Variants in IQCH observed in about 807,000 individuals in gnomAD.
IQCH encodes the protein IQ motif containing H.
A neutral mutation model predicts 117.0 loss-of-function variants in IQCH; 98 were observed. The ratio of observed to expected loss-of-function variants is 0.84; its 90% confidence interval spans 0.71 to 0.99. The LOEUF is 0.99. Among genes scored for constraint, IQCH ranks in the 50% least tolerant of loss-of-function variants. The probability of loss-of-function intolerance (pLI) is 0.00; values close to 1 mark genes in which losing one functional copy is unlikely to be tolerated. For synonymous variants in IQCH, 412 were observed against 448.2 expected (o/e 0.92, Z 1.02); for missense variants, 1,102 against 1,243.8 (o/e 0.89, Z 1.72).
rs2083180919 is a variant in IQCH at position 67,475,501 on chromosome 15, G to A, written c.2677-195G>A. On this transcript the variant is annotated intron_variant, in intron 17 of 20. Transcript: ENST00000335894. This position sits in a 1 kb window ranked among gnomAD's most constrained non-coding sequence, Gnocchi z 5.7. ...TCAAAAAATAAAATAAAAATAAAAA[G>A]TAATGTAGCAATTTGTTCCCTTAGT... Among the ~76,000 whole-genome samples the A allele has an allele frequency of 6.6e-6, 1 of 152,078 alleles. No homozygotes were observed. The highest frequency in any genetic ancestry group is 2.4e-5 in the African/African-American group (1 of 41,408).
intron 4 of IQCH, among the ~76,000 whole-genome samples, chr15:67,303,843 A>G (rs1967171182): frequency 6.6e-6 from 1 of 152,194 alleles, no homozygotes; most frequent in Non-Finnish European, 1.5e-5. Flanking sequence ...TACAGATAAG[A>G]GAATCTCTGT....
intron 16 of IQCH, among the ~76,000 whole-genome samples, chr15:67,455,744 G>C (rs567090956): frequency 2.9e-4 from 44 of 152,296 alleles, no homozygotes; most frequent in African/African-American, 1.0e-3. Context: ...CAGTAAAGGA[G>C]CACTTCTCAA....
At chr15:67,260,767 T>C (rs867939022) in intron 1 of IQCH, among the ~76,000 whole-genome samples, 29 of 152,264 alleles carry the variant, frequency 1.9e-4, no homozygotes, top group Admixed American at 8.5e-4. Context: ...TTTTTCACAA[T>C]CTGAGAGACA....
At chr15:67,308,565 T>C (rs1032383617) in intron 4 of IQCH, among the ~76,000 whole-genome samples, 14 of 152,228 alleles carry the variant, frequency 9.2e-5, no homozygotes, top group African/African-American at 2.9e-4. Context: ...CTCCTATCAT[T>C]TAAAGTGAGC....
intron 10 of IQCH, among the ~76,000 whole-genome samples, chr15:67,379,860 CT>C (rs1230599228): frequency 2.0e-5 from 3 of 151,358 alleles, no homozygotes; most frequent in African/African-American, 4.9e-5. Context: ...TCAGTTCTTT[CT>C]TTTTTTTTGA....
At position 67,388,961 on chromosome 15, in the gene IQCH, G is replaced by A; in HGVS notation, c.1587G>A (p.Gln529=). The change falls in exon 12 of 21, where the codon CAG becomes CAA. Residue 529 remains glutamine, a synonymous_variant. Coordinates refer to ENST00000335894, the MANE Select transcript of IQCH (RefSeq NM_001031715.3). The surrounding 1 kb of genome is among the most constrained non-coding windows in gnomAD (Gnocchi z 5.5). ...ACCTTGAGGACAGAAGTGACCTGCA[G>A]GACAGGTTCAAAATTATCACACCTG... ...SGNLEDRSDL[Q]DRFKIITPEA... The A allele has an allele frequency of 6.2e-7, 1 of 1,613,974 alleles. No individual in the cohort carries two copies. The highest frequency in any genetic ancestry group is 1.1e-5 in the South Asian group (1 of 91,072).
intron 16 of IQCH, among the ~76,000 whole-genome samples, chr15:67,441,744 G>C (rs1376501417): frequency 6.6e-6 from 1 of 152,194 alleles, no homozygotes; most frequent in Non-Finnish European, 1.5e-5. Context: ...ACTCAAGATA[G>C]ATTAAGGACT....
chr15:67,486,009 A>T (rs1482869077), intron 18 of IQCH, among the ~76,000 whole-genome samples: 6 of 148,434 alleles, frequency 4.0e-5, no homozygotes, highest in South Asian at 2.2e-4. Flanking sequence ...TTACCTTCAA[A>T]TGAGCAATAA....
intron 20 of IQCH, among the ~76,000 whole-genome samples, chr15:67,499,963 G>T (rs1323973220): frequency 3.3e-5 from 5 of 152,298 alleles, no homozygotes; most frequent in Middle Eastern, 3.4e-3. Context: ...GGCTGAGGGA[G>T]TGGGATGAAA....
chr15:67,278,080 C>T (rs1269160241), intron 3 of IQCH, among the ~76,000 whole-genome samples: 1 of 152,112 alleles, frequency 6.6e-6, no homozygotes, highest in African/African-American at 2.4e-5. Flanking sequence ...TCAGCATTTC[C>T]TCCCCTTAAG....
intron 4 of IQCH, among the ~76,000 whole-genome samples, chr15:67,303,556 A>G (rs1192653890): frequency 6.6e-6 from 1 of 152,176 alleles, no homozygotes; most frequent in Non-Finnish European, 1.5e-5. Flanking sequence ...TGGTTCCTCA[A>G]GAGACCATTA....
At position 67,456,293 on chromosome 15, in the gene IQCH, C is replaced by T. The variant is rs1050430998; in HGVS notation, c.2506-8834C>T. Among the ~76,000 whole-genome samples the T allele has an allele frequency of 2.0e-5, 3 of 152,142 alleles. No individual in the cohort carries two copies. The highest frequency in any genetic ancestry group is 7.2e-5 in the African/African-American group (3 of 41,424). On this transcript the variant is annotated intron_variant, in intron 16 of 20. Transcript: ENST00000335894. This position sits in a 1 kb window ranked among gnomAD's most constrained non-coding sequence, Gnocchi z 5.1. The stretch of plus-strand genomic sequence containing the variant: ...ACGAATTTCCAAAGTCACAGAGAAA[C>T]TTGGCACTCTGAAGAAATTGATCTA...
chr15:67,394,416 T>G (rs1407937530), intron 12 of IQCH, among the ~76,000 whole-genome samples: 2 of 152,174 alleles, frequency 1.3e-5, no homozygotes, highest in African/African-American at 4.8e-5. Context: ...ATTTGCCTTT[T>G]CAGCATTCCC....
intron 18 of IQCH, among the ~76,000 whole-genome samples, chr15:67,483,517 TA>T (rs1417430103): frequency 5.9e-5 from 9 of 151,626 alleles, no homozygotes; most frequent in Non-Finnish European, 1.3e-4. Flanking sequence ...ACTCCATCTC[TA>T]AAAAAATTAA....
chr15:67,339,915 G>T (rs1228718354), intron 5 of IQCH, among the ~76,000 whole-genome samples: 4 of 152,054 alleles, frequency 2.6e-5, no homozygotes, highest in African/African-American at 9.7e-5. Context: ...TCAAGCCCAA[G>T]AAACTCTGTT....
intron 8 of IQCH, among the ~76,000 whole-genome samples, chr15:67,362,932 G>A (rs543944718): frequency 6.6e-6 from 1 of 152,310 alleles, no homozygotes; most frequent in Non-Finnish European, 1.5e-5. Context: ...CTTCTTAAAA[G>A]GCACAGGGTG....
In IQCH at chr15:67,359,987, A is replaced by T. The variant is rs1970066682; in HGVS notation, c.753+102A>T. On this transcript the variant is annotated intron_variant, in intron 8 of 20. Transcript: ENST00000335894. The surrounding 1 kb of genome is among the most constrained non-coding windows in gnomAD (Gnocchi z 4.5). ...ATGGGTGACTGCTTGACAGCTGGAGATGGCAACAAAAGTTCGTGCTTCCTT... is the reference window on the plus strand; with the variant it reads ...ATGGGTGACTGCTTGACAGCTGGAGTTGGCAACAAAAGTTCGTGCTTCCTT... 8.6e-6 allele frequency: 7 copies of T among 816,524 alleles called. No individual in the cohort carries two copies. Among genetic ancestry groups the T allele is most frequent in the Non-Finnish European group, 1.4e-5 (7 of 498,656 alleles). 50.6% of individuals were successfully genotyped at this position (816,524 alleles called of 1,614,324 possible).
intron 4 of IQCH, among the ~76,000 whole-genome samples, chr15:67,301,410 T>TG (rs1967028795): frequency 8.5e-6 from 1 of 117,042 alleles, no homozygotes; most frequent in Admixed American, 8.7e-5. Context: ...AGTTTTTTTT[T>TG]TTTTTTTTTT....
intron 16 of IQCH, among the ~76,000 whole-genome samples, chr15:67,450,011 A>C (rs2082482304): frequency 6.6e-6 from 1 of 152,042 alleles, no homozygotes; most frequent in East Asian, 1.9e-4. Context: ...TTTACTCATG[A>C]TTTGCCTCTC....
Sources: allele counts gnomAD v4.1 joint callset (sites outside exome capture counted in the v4.1 genomes callset), GRCh38; gene constraint gnomAD v4.1.1; non-coding constraint Gnocchi (gnomAD v3.1); transcripts MANE v1.5; gene names NCBI Gene and HGNC (gene_info 2026-07-23, HGNC 2026-07-21).